NINJ1: variants seen among roughly 807,000 people sequenced by gnomAD.
NINJ1 encodes the protein ninjurin 1, also known as ninjurin-1.
Under a neutral mutation model 12.7 loss-of-function variants are expected in NINJ1, and 6 were observed. That is an observed-to-expected ratio of 0.47 (90% CI 0.26 to 0.93). NINJ1 has a LOEUF of 0.93. NINJ1 is among the 40% of genes least tolerant of loss of function. The pLI, the probability that NINJ1 is intolerant of heterozygous loss-of-function variation, is 0.15. For missense variants in NINJ1, 170 were observed against 213.0 expected (o/e 0.80, Z 1.26); for synonymous variants, 100 against 96.0 (o/e 1.04, Z -0.25).
intron 2 of NINJ1, chr9:93,125,485 C>G (rs1827798679): frequency 6.4e-6 from 1 of 156,172 alleles, no homozygotes; most frequent in African/African-American, 2.4e-5. Context: ...GTTACGCAGC[C>G]ATGAAGGGGA....
chr9:93,125,172 A>G, intron 2 of NINJ1, 110 bp from the exon 3 acceptor site: 1 of 1,073,166 alleles, frequency 9.3e-7, no homozygotes, highest in Non-Finnish European at 1.3e-6. Flanking sequence ...CTGGGACATT[A>G]CAGGGCTCTC....
chr9:93,134,124 G>A lies in NINJ1; in HGVS notation c.75+19C>T. 1 of 1,539,264 alleles carries A rather than the reference G, an allele frequency of 6.5e-7. No homozygotes were observed. Among genetic ancestry groups the A allele is most frequent in the Non-Finnish European group, 8.8e-7 (1 of 1,139,418 alleles). On this transcript the variant is annotated intron_variant, in intron 1 of 3. Coordinates refer to ENST00000375446, the MANE Select transcript of NINJ1 (RefSeq NM_004148.4). ...ACAGGGCCTGGCAAGATCATGCAGC[G>A]GTGGGGGGAAGGTCTTACCGAGGCG...
chr9:93,130,893 G>A (rs902482857), intron 1 of NINJ1, among the ~76,000 whole-genome samples: 10 of 152,224 alleles, frequency 6.6e-5, no homozygotes, highest in African/African-American at 2.4e-4. Flanking sequence ...TGCCCTGGGT[G>A]CCTGGGGGGT....
At chr9:93,131,767 G>C (rs894847509) in intron 1 of NINJ1, among the ~76,000 whole-genome samples, 7 of 152,222 alleles carry the variant, frequency 4.6e-5, no homozygotes, top group African/African-American at 1.7e-4. Context: ...AGGGCACACG[G>C]GGTAGGGGAG....
At chr9:93,124,841 G>A in intron 3 of NINJ1, 58 bp downstream of exon 3, 5 of 1,526,260 alleles carry the variant, frequency 3.3e-6, no homozygotes, top group Non-Finnish European at 4.4e-6. Context: ...CACTGCAAGA[G>A]CCTCCAACAG....
chr9:93,124,775 C>T (rs746080333), intron 3 of NINJ1, 124 bp downstream of exon 3: 25 of 1,057,916 alleles, frequency 2.4e-5, no homozygotes, highest in Non-Finnish European at 2.9e-5. Flanking sequence ...TAGGTGTGGA[C>T]GAGGATGCCC....
At chr9:93,132,895 C>T (rs1449850459) in intron 1 of NINJ1, among the ~76,000 whole-genome samples, 2 of 152,228 alleles carry the variant, frequency 1.3e-5, no homozygotes, top group Admixed American at 1.3e-4. Context: ...CTTTCCAAGG[C>T]GCTTCCAAGC....
At chr9:93,124,389 C>T (rs1171227851) in intron 3 of NINJ1, among the ~76,000 whole-genome samples, 6 of 152,154 alleles carry the variant, frequency 3.9e-5, no homozygotes, top group Non-Finnish European at 8.8e-5. Context: ...ATTCTCCTGC[C>T]TCAGCCTCCT....
chr9:93,126,363 C>T (rs961922537), intron 2 of NINJ1, 47 bp downstream of exon 2: 12 of 1,542,146 alleles, frequency 7.8e-6, no homozygotes, highest in Non-Finnish European at 8.0e-6. Flanking sequence ...CGAGCAGATG[C>T]CAGCAAGGTG....
chr9:93,125,033 G>A lies in NINJ1; in HGVS notation c.334C>T (p.His112Tyr), dbSNP rs993880839. ...TTGTTGAGGAAGTCCAGCTTGGCGT[G>A]CTTGGCCGGGTTGTTAAGGTCGTAC... Reference protein sequence around the residue: ...VKYDLNNPAKHAKLDFLNNLA... With the variant: ...VKYDLNNPAKYAKLDFLNNLA... The change falls in exon 3 of 4, where the codon CAC becomes TAC. Residue 112 changes from histidine to tyrosine, a missense_variant. His to Tyr is a moderately conservative substitution (Grantham distance 83). Transcript: ENST00000375446. 1.9e-6 allele frequency: 3 copies of A among 1,613,638 alleles called. No individual in the cohort carries two copies. Among genetic ancestry groups the A allele is most frequent in the African/African-American group, 2.7e-5 (2 of 74,928 alleles).
At chr9:93,122,903 G>A (rs912948706) in intron 3 of NINJ1, among the ~76,000 whole-genome samples, 16 of 152,240 alleles carry the variant, frequency 1.1e-4, no homozygotes, top group Non-Finnish European at 5.9e-5. Context: ...AGCACACACA[G>A]CAGGTGATTA....
chr9:93,128,390 A>T (rs1827843455), intron 1 of NINJ1, among the ~76,000 whole-genome samples: 1 of 152,052 alleles, frequency 6.6e-6, no homozygotes, highest in African/African-American at 2.4e-5. Context: ...AGCTTGGAGG[A>T]GGTTTGCCCA....
In NINJ1 at chr9:93,123,772, G is replaced by A. The variant is rs189548592; in HGVS notation, c.*9+1127C>T. Among the ~76,000 whole-genome samples, 53 of 152,320 alleles carry A rather than the reference G, an allele frequency of 3.5e-4. No homozygotes were observed. The East Asian group carries it at 9.8e-3, about 28-fold the overall frequency. ...GTGACCCCTAGGCCTAAGGTCGCGG[G>A]GACTGTGGTGTGTGGCCCTGGCCTG... is the stretch of plus-strand genomic sequence containing the variant. On this transcript the variant is annotated intron_variant, in intron 3 of 3. Transcript: ENST00000375446.
chr9:93,132,829 G>A (rs1827916897), intron 1 of NINJ1, among the ~76,000 whole-genome samples: 1 of 152,268 alleles, frequency 6.6e-6, no homozygotes, highest in African/African-American at 2.4e-5. Flanking sequence ...AGACTGCTCT[G>A]AGTGGAGGGC....
rs367993599 is a variant in NINJ1, at chr9:93,132,846, C to T, written c.75+1297G>A. 7.9e-5 allele frequency among the ~76,000 whole-genome samples: 12 copies of T among 152,336 alleles called. No homozygotes were observed. In the East Asian group the frequency reaches 1.2e-3, roughly 15 times the overall value. ...ACTGCTCTGAGTGGAGGGCATTGCC[C>T]GGGCAAGGTCAGGGTTGGGGGAGGA... On this transcript the variant is annotated intron_variant, in intron 1 of 3. Transcript: ENST00000375446.
chr9:93,124,328 G>A (rs1004085794), intron 3 of NINJ1, among the ~76,000 whole-genome samples: 24 of 152,194 alleles, frequency 1.6e-4, no homozygotes, highest in African/African-American at 5.6e-4. Context: ...AGGCTGGAGT[G>A]CAGTAGTACG....
At chr9:93,132,451 C>T (rs1391770312) in intron 1 of NINJ1, among the ~76,000 whole-genome samples, 1 of 152,204 alleles carries the variant, frequency 6.6e-6, no homozygotes, top group Non-Finnish European at 1.5e-5. Flanking sequence ...TCCCACTGTT[C>T]CCTCTGCCTA....
At chr9:93,133,828 G>A (rs1452979278) in intron 1 of NINJ1, among the ~76,000 whole-genome samples, 2 of 152,162 alleles carry the variant, frequency 1.3e-5, no homozygotes, top group East Asian at 3.9e-4. Flanking sequence ...CCGGGCGCCG[G>A]CAGTCCTTAG....
chr9:93,130,347 G>A (rs542606770), intron 1 of NINJ1, among the ~76,000 whole-genome samples: 1 of 152,324 alleles, frequency 6.6e-6, no homozygotes, highest in African/African-American at 2.4e-5. Context: ...GGCAGGAGGG[G>A]CTGGCACAGA....
Sources: allele counts gnomAD v4.1 joint callset (sites outside exome capture counted in the v4.1 genomes callset), GRCh38; gene constraint gnomAD v4.1.1; transcripts MANE v1.5; gene names NCBI Gene and HGNC (gene_info 2026-07-23, HGNC 2026-07-21).